Variants in DDC observed in about 807,000 individuals in gnomAD.
DDC encodes aromatic-L-amino-acid decarboxylase.
DDC carries 43 observed loss-of-function variants against 60.0 expected under a neutral mutation model. That is an observed-to-expected ratio of 0.72 (90% CI 0.56 to 0.92). The LOEUF (loss-of-function observed/expected upper bound fraction) is 0.92. Ranked by LOEUF, DDC falls within the 40% of genes least tolerant of loss-of-function variation. DDC has a pLI of 0.00. For missense variants in DDC, 573 were observed against 620.2 expected, an observed-to-expected ratio of 0.92 and a Z score of 0.81; for synonymous variants, 232 against 234.6, an observed-to-expected ratio of 0.99 and a Z score of 0.10.
intron 7 of DDC, among the ~76,000 whole-genome samples, chr7:50,501,422 G>T (rs901925596): frequency 3.3e-5 from 5 of 152,136 alleles, no homozygotes; most frequent in Admixed American, 2.0e-4. Context: ...AGTAAAACCT[G>T]CCAGACAACT....
At chr7:50,487,198 T>C (rs750162373) in intron 9 of DDC, among the ~76,000 whole-genome samples, 9 of 152,178 alleles carry the variant, frequency 5.9e-5, no homozygotes, top group Non-Finnish European at 1.0e-4. Context: ...AGTAAGTTTT[T>C]ATCAGACTAA....
chr7:50,564,720 G>A (rs2045396172), intron 1 of DDC, among the ~76,000 whole-genome samples: 1 of 152,164 alleles, frequency 6.6e-6, no homozygotes, highest in Non-Finnish European at 1.5e-5. Context: ...AAGTTGGTGG[G>A]AAAGATCTTC....
At chr7:50,492,854 T>C (rs1369316827) in intron 9 of DDC, 7 of 1,560,652 alleles carry the variant, frequency 4.5e-6, no homozygotes, top group South Asian at 1.2e-5. Context: ...AGCCGCCAAC[T>C]TGCTGGCATC....
chr7:50,458,916 CTCCCTCTCCCTT>C (rs1235966750), intron 14 of DDC, 73 bp from the exon 15 acceptor site: 1 of 151,608 alleles, frequency 6.6e-6, no homozygotes, highest in African/African-American at 2.4e-5. Flanking sequence ...CCCTCTCCCT[CTCCCTCTCCCTT>C]TCCCTCTCCC....
chr7:50,475,583 C>G (rs1411575661), intron 11 of DDC, among the ~76,000 whole-genome samples: 1 of 152,218 alleles, frequency 6.6e-6, no homozygotes, highest in African/African-American at 2.4e-5. Flanking sequence ...CATTATCACA[C>G]CGGCTGCTGA....
intron 4 of DDC, among the ~76,000 whole-genome samples, chr7:50,532,401 C>T (rs377233597): frequency 5.3e-5 from 8 of 152,272 alleles, no homozygotes; most frequent in Admixed American, 3.9e-4. Context: ...TTTAATGAAA[C>T]GAAAATGCAG....
At chr7:50,522,322 TATC>T (rs1317515354) in intron 6 of DDC, among the ~76,000 whole-genome samples, 2 of 152,198 alleles carry the variant, frequency 1.3e-5, no homozygotes, top group African/African-American at 4.8e-5. Context: ...GAAGTCTCAA[TATC>T]ATCAAGATGT....
intron 14 of DDC, among the ~76,000 whole-genome samples, chr7:50,460,462 C>T (rs1473047813): frequency 6.6e-6 from 1 of 151,208 alleles, no homozygotes; most frequent in Non-Finnish European, 1.5e-5. Flanking sequence ...GCCACCCGGT[C>T]CAGGAGGTGA....
At chr7:50,541,980 G>C (rs2044647560) in intron 2 of DDC, among the ~76,000 whole-genome samples, 1 of 152,056 alleles carries the variant, frequency 6.6e-6, no homozygotes, top group African/African-American at 2.4e-5. Flanking sequence ...TGGAGAGAGG[G>C]AGCTAACACA....
intron 1 of DDC, among the ~76,000 whole-genome samples, chr7:50,547,967 G>A (rs1369599745): frequency 2.6e-5 from 4 of 152,184 alleles, no homozygotes; most frequent in Non-Finnish European, 5.9e-5. Context: ...ATGACTCTGT[G>A]TTACATTTCA....
intron 11 of DDC, among the ~76,000 whole-genome samples, 185 bp downstream of exon 11, chr7:50,476,437 CTG>C (rs2042645303): frequency 6.6e-6 from 1 of 152,200 alleles, no homozygotes; most frequent in South Asian, 2.1e-4. Context: ...AGACCTCTGA[CTG>C]AGGGGTTCAG....
chr7:50,547,547 A>G (rs1010706937), intron 1 of DDC, among the ~76,000 whole-genome samples: 1 of 152,206 alleles, frequency 6.6e-6, no homozygotes, highest in Non-Finnish European at 1.5e-5. Flanking sequence ...GTGATTTCTC[A>G]CAAGTATTTC....
intron 1 of DDC, among the ~76,000 whole-genome samples, chr7:50,547,834 T>A (rs2044856859): frequency 6.6e-6 from 1 of 152,182 alleles, no homozygotes; most frequent in South Asian, 2.1e-4. Context: ...GCAACAAAAA[T>A]CGTGACAATA....
chr7:50,492,448 C>A (rs1471058787), intron 9 of DDC, among the ~76,000 whole-genome samples: 1 of 152,136 alleles, frequency 6.6e-6, no homozygotes, highest in East Asian at 1.9e-4. Flanking sequence ...GAGAACGCAC[C>A]GGCTCAGGAG....
At chr7:50,528,656 G>A (rs1276330141) in intron 5 of DDC, among the ~76,000 whole-genome samples, 1 of 152,130 alleles carries the variant, frequency 6.6e-6, no homozygotes, top group East Asian at 1.9e-4. Context: ...GCCCCTGACT[G>A]TGGAGCCTTG....
intron 13 of DDC, among the ~76,000 whole-genome samples, chr7:50,466,958 T>C (rs1374974351): frequency 2.0e-5 from 3 of 151,992 alleles, no homozygotes; most frequent in Non-Finnish European, 4.4e-5. Flanking sequence ...GAAGGAAAAA[T>C]GGTAAAGATT....
intron 6 of DDC, among the ~76,000 whole-genome samples, chr7:50,521,457 G>A (rs1183506677): frequency 2.6e-5 from 4 of 152,108 alleles, no homozygotes. Context: ...CAAAGACATT[G>A]CAAGAAGGAA....
At position 50,471,125 on chromosome 7, in the gene DDC, C is replaced by T. The variant is rs2153534523; in HGVS notation, c.1042-954G>A. On this transcript the variant is annotated intron_variant, in intron 11 of 14. Transcript: ENST00000444124. ...TGTGGGTGAAGGCCGGATGCGGTGG[C>T]TCACGCCTGTAACCCCAGCACTTTG... Among the ~76,000 whole-genome samples the T allele has an allele frequency of 2.6e-5, 4 of 152,284 alleles. 1 individual carries two copies. The Middle Eastern group carries it at 0.01, about 388-fold the overall frequency.
At chr7:50,559,408 C>T (rs920974997) in intron 1 of DDC, among the ~76,000 whole-genome samples, 3 of 150,750 alleles carry the variant, frequency 2.0e-5, no homozygotes, top group African/African-American at 7.4e-5. Context: ...ACCAGATAAA[C>T]ACAAAACATC....
Sources: allele counts gnomAD v4.1 joint callset (sites outside exome capture counted in the v4.1 genomes callset), GRCh38; gene constraint gnomAD v4.1.1; transcripts MANE v1.5; gene names NCBI Gene and HGNC (gene_info 2026-07-23, HGNC 2026-07-21).